Variants in FAM228B observed in about 807,000 individuals in gnomAD.
FAM228B encodes the protein family with sequence similarity 228 member B.
Under a neutral mutation model 42.6 loss-of-function variants are expected in FAM228B, and 38 were observed. That is an observed-to-expected ratio of 0.89 (90% confidence interval 0.69 to 1.17). The LOEUF (loss-of-function observed/expected upper bound fraction) is 1.17. Ranked by LOEUF, FAM228B falls within the 50% of genes most tolerant of loss-of-function variation. FAM228B has a pLI of 0.00. For missense variants in FAM228B, 344 were observed against 367.3 expected, an observed-to-expected ratio of 0.94 and a Z score of 0.52; for synonymous variants, 109 against 122.3, an observed-to-expected ratio of 0.89 and a Z score of 0.72.
chr2:24,093,952 T>C (rs1226678225), intron 2 of FAM228B, among the ~76,000 whole-genome samples: 2 of 151,838 alleles, frequency 1.3e-5, no homozygotes, highest in Non-Finnish European at 2.9e-5. Context: ...TTATAAACCT[T>C]TGGGTATATA....
upstream of FAM228B, chr2:24,123,452 C>G (rs1415725827): frequency 6.6e-6 from 1 of 152,264 alleles, no homozygotes; most frequent in Non-Finnish European, 1.5e-5. Flanking sequence ...CCTCCGCCGC[C>G]CCGGCACCGC....
At chr2:24,110,287 G>A (rs570352199) in intron 3 of FAM228B, among the ~76,000 whole-genome samples, 1 of 152,276 alleles carries the variant, frequency 6.6e-6, no homozygotes, top group African/African-American at 2.4e-5. Flanking sequence ...CTTGAGAGTG[G>A]AGGGTGGGAG....
intron 8 of FAM228B, among the ~76,000 whole-genome samples, chr2:24,163,270 G>T (rs140858747): frequency 9.2e-5 from 14 of 152,288 alleles, no homozygotes; most frequent in African/African-American, 3.1e-4. Flanking sequence ...AGAAGCTGGA[G>T]GGCTTTTAGA....
chr2:24,152,383 G>GGATATTCAT (rs1667045767), intron 7 of FAM228B, among the ~76,000 whole-genome samples: 5 of 152,194 alleles, frequency 3.3e-5, no homozygotes, highest in Non-Finnish European at 5.9e-5. Context: ...TGGTGTTGAT[G>GGATATTCAT]CTTATAGATA....
chr2:24,102,579 A>T (rs1317426216), intron 3 of FAM228B, among the ~76,000 whole-genome samples: 1 of 152,168 alleles, frequency 6.6e-6, no homozygotes, highest in African/African-American at 2.4e-5. Flanking sequence ...CTCTATTAGA[A>T]GTACAAAAAT....
At chr2:24,079,736 G>A (rs1664918870) in intron 1 of FAM228B, 1 of 1,201,062 alleles carries the variant, frequency 8.3e-7, no homozygotes, top group Admixed American at 2.3e-5. Context: ...ACAGATGCAA[G>A]TGGTAAATCT....
rs1242972295 is a variant in FAM228B, at chr2:24,131,494, CTT to C, written c.100-3624_100-3623del. 9.2e-5 allele frequency among the ~76,000 whole-genome samples: 14 copies of C among 152,224 alleles called. No individual in the cohort carries two copies. The East Asian group carries it at 2.5e-3, about 27-fold the overall frequency. On this transcript the variant is annotated intron_variant, in intron 2 of 10. Transcript: ENST00000615575. ...GTTTTTCCGTTTGTTTCTGTCCTCT[CTT>C]ATTTCCTTGAGCAGTGGTTTGTAGT...
chr2:24,161,451 A>T (rs1667283093), intron 7 of FAM228B, 55 bp from the exon 8 acceptor site: 1 of 1,085,712 alleles, frequency 9.2e-7, no homozygotes, highest in Non-Finnish European at 1.4e-6. Context: ...TTGTCTCAAA[A>T]AACAACAATA....
At chr2:24,124,502 G>T in intron 2 of FAM228B, 42 bp downstream of exon 2, 2 of 1,318,340 alleles carry the variant, frequency 1.5e-6, no homozygotes, top group Non-Finnish European at 1.0e-6. Context: ...TTTTTTACTT[G>T]GATCGTTGCA....
chr2:24,121,184 T>C (rs1666103776), upstream of FAM228B: 2 of 1,614,074 alleles, frequency 1.2e-6, no homozygotes, highest in Admixed American at 1.7e-5. Context: ...AAAGAGAATA[T>C]TCATCTGCCC....
chr2:24,086,234 CAA>C (rs57641176), intron 2 of FAM228B, among the ~76,000 whole-genome samples: 8 of 63,912 alleles, frequency 1.3e-4, no homozygotes, highest in Admixed American at 1.7e-4. Context: ...GACTCCGTCT[CAA>C]AAAAAAAAAA....
At chr2:24,136,781 A>C (rs908481403) in intron 3 of FAM228B, among the ~76,000 whole-genome samples, 7 of 152,370 alleles carry the variant, frequency 4.6e-5, no homozygotes, top group African/African-American at 1.7e-4. Flanking sequence ...TACACAATAT[A>C]AAATTTGCCA....
chr2:24,129,163 A>G lies in FAM228B; in HGVS notation c.99+4703A>G, dbSNP rs540567601. On this transcript the variant is annotated intron_variant, in intron 2 of 10. Coordinates refer to ENST00000615575, the MANE Select transcript of FAM228B (RefSeq NM_001145710.2). ...CTAGTACTCTAACCTATGAACTCCA[A>G]CTGCTCTGGCCTCTCCAGACTCCCA... Among the ~76,000 whole-genome samples, 3 of 152,034 alleles carry G rather than the reference A, an allele frequency of 2.0e-5. No homozygotes were observed. The East Asian group carries it at 5.8e-4, about 29-fold the overall frequency.
chr2:24,136,372 T>G (rs567024959), intron 3 of FAM228B, among the ~76,000 whole-genome samples: 3 of 152,288 alleles, frequency 2.0e-5, no homozygotes, highest in African/African-American at 7.2e-5. Flanking sequence ...TATAGGCACG[T>G]GCCAGCATGC....
chr2:24,164,379 A>C, intron 9 of FAM228B, 44 bp downstream of exon 9: 1 of 1,515,904 alleles, frequency 6.6e-7, no homozygotes, highest in Admixed American at 2.2e-5. Context: ...TAAGGTGGCA[A>C]TCGCTGATAC....
At chr2:24,158,215 C>CTTTTTTTTTTTTTTTTTTTT (rs1335914110) in intron 7 of FAM228B, among the ~76,000 whole-genome samples, 1 of 9,176 alleles carries the variant, frequency 1.1e-4, no homozygotes, top group Non-Finnish European at 1.9e-4. Flanking sequence ...TTTTTTTTTC[C>CTTTTTTTTTTTTTTTTTTTT]AAAACATTGT....
chr2:24,139,429 G>T lies in FAM228B; in HGVS notation c.420G>T (p.Lys140Asn). The stretch of plus-strand genomic sequence containing the variant: ...AGTATGATCCCTTTTATATGAGCAA[G>T]AAGGACCCCAATTTTCTGAAGGTAG... The part of the protein sequence containing the change: ...PKEYDPFYMS[K>N]KDPNFLKVTI... Residue 140 changes from lysine (K) to asparagine (N), a missense_variant, in exon 5 of 11, where the codon AAG (lysine) becomes AAT (asparagine). Transcript: ENST00000615575. 6.5e-7 allele frequency: 1 copy of T among 1,547,118 alleles called. No individual in the cohort carries two copies. The highest frequency in any genetic ancestry group is 1.2e-5 in the South Asian group (1 of 83,754).
intron 3 of FAM228B, chr2:24,096,900 C>T (rs570828832): frequency 6.6e-6 from 1 of 152,284 alleles, no homozygotes; most frequent in African/African-American, 2.4e-5. Context: ...TTGAGTTACC[C>T]ACAAAGGGAC....
At chr2:24,088,070 A>G (rs1444552160) in intron 2 of FAM228B, among the ~76,000 whole-genome samples, 1 of 151,390 alleles carries the variant, frequency 6.6e-6, no homozygotes, top group African/African-American at 2.4e-5. Flanking sequence ...TAGAAATGGG[A>G]TTTCTCCATG....
Sources: allele counts gnomAD v4.1 joint callset (sites outside exome capture counted in the v4.1 genomes callset), GRCh38; gene constraint gnomAD v4.1.1; transcripts MANE v1.5; gene names NCBI Gene and HGNC (gene_info 2026-07-23, HGNC 2026-07-21).